Variants in LGR6 observed in about 807,000 individuals in gnomAD.
LGR6 encodes leucine rich repeat containing G protein-coupled receptor 6, also known as leucine-rich repeat-containing G protein-coupled receptor 6.
A neutral mutation model predicts 69.4 loss-of-function variants in LGR6; 45 were observed. The observed-to-expected ratio is 0.65, with a 90% CI of 0.51 to 0.83. The LOEUF (loss-of-function observed/expected upper bound fraction) is 0.83. Ranked by LOEUF, LGR6 falls within the 40% of genes least tolerant of loss-of-function variation. The probability of loss-of-function intolerance (pLI) is 0.00; values close to 1 mark genes in which losing one functional copy is unlikely to be tolerated. For missense variants in LGR6, 1,108 were observed against 1,246.7 expected, an observed-to-expected ratio of 0.89 and a Z score of 1.68; for synonymous variants, 538 against 555.0, an observed-to-expected ratio of 0.97 and a Z score of 0.43.
rs185154232 is a variant in LGR6, at chr1:202,218,251, G to T, written c.213-7172G>T. Among the ~76,000 whole-genome samples, 6 of 152,280 alleles carry T rather than the reference G, an allele frequency of 3.9e-5. No homozygotes were observed. The East Asian group carries it at 1.2e-3, about 29-fold the overall frequency. ...TGAAGGAGTGTAGGTAGAGGAAAGC[G>T]CCTGCTATTCAGGGGGTGTTTGGAA... On this transcript the variant is annotated intron_variant, in intron 1 of 17. Transcript: ENST00000367278.
chr1:202,307,442 AGTCG>A (rs748051766), intron 14 of LGR6, 41 bp downstream of exon 14: 1 of 1,594,606 alleles, frequency 6.3e-7, no homozygotes, highest in Non-Finnish European at 8.6e-7. Context: ...GCTGGGGGCC[AGTCG>A]GGACTATGGG....
chr1:202,313,249 G>T (rs928513328), intron 16 of LGR6, among the ~76,000 whole-genome samples: 17 of 151,420 alleles, frequency 1.1e-4, no homozygotes, highest in African/African-American at 3.6e-4. Flanking sequence ...AAAGTGTAAA[G>T]CCTGGACTTA....
rs1490675095 is a variant in LGR6 at position 202,251,177 on chromosome 1, G to C, written c.428+15184G>C. On this transcript the variant is annotated intron_variant, in intron 4 of 17. Transcript: ENST00000367278. ...TTCCAGTTGCAAGCACTGGCTCTCTGTGCTGTGAATTCACAGAGAGAAGGT... is the reference window on the plus strand; with the variant it reads ...TTCCAGTTGCAAGCACTGGCTCTCTCTGCTGTGAATTCACAGAGAGAAGGT... 2.6e-5 allele frequency among the ~76,000 whole-genome samples: 4 copies of C among 152,160 alleles called. No homozygotes were observed. In the South Asian group the frequency reaches 6.2e-4, roughly 24 times the overall value.
chr1:202,314,601 G>A (rs965205749), intron 16 of LGR6, among the ~76,000 whole-genome samples: 13 of 152,350 alleles, frequency 8.5e-5, no homozygotes, highest in African/African-American at 3.1e-4. Context: ...ACTCTTCAGT[G>A]CAGATAATCC....
intron 1 of LGR6, among the ~76,000 whole-genome samples, chr1:202,209,169 G>A (rs143023319): frequency 1.3e-5 from 2 of 152,118 alleles, no homozygotes; most frequent in African/African-American, 4.8e-5. Flanking sequence ...AGAGGGGAGA[G>A]AGCCCAAAGC....
intron 1 of LGR6, among the ~76,000 whole-genome samples, chr1:202,214,949 C>T (rs1659662347): frequency 6.6e-6 from 1 of 151,930 alleles, no homozygotes; most frequent in Non-Finnish European, 1.5e-5. Flanking sequence ...TTAGAAAACC[C>T]TCTGGCTAGG....
intron 1 of LGR6, among the ~76,000 whole-genome samples, chr1:202,195,649 C>A (rs1035232008): frequency 8.5e-5 from 13 of 152,212 alleles, no homozygotes; most frequent in African/African-American, 3.1e-4. Flanking sequence ...CAGGCCAGCC[C>A]CTCTTTCAGC....
chr1:202,297,458 C>A (rs754168615), intron 6 of LGR6, 50 bp from the exon 7 acceptor site: 131 of 1,471,318 alleles, frequency 8.9e-5, no homozygotes, highest in Admixed American at 2.1e-4. Flanking sequence ...GGGACCCTGA[C>A]ATGCCCCATT....
intron 4 of LGR6, among the ~76,000 whole-genome samples, chr1:202,252,993 ACT>A (rs1233581645): frequency 1.2e-4 from 18 of 152,056 alleles, no homozygotes; most frequent in African/African-American, 4.1e-4. Context: ...ACATTCTGAC[ACT>A]CTCGAGTCAT....
intron 1 of LGR6, among the ~76,000 whole-genome samples, chr1:202,221,850 C>T (rs536161749): frequency 2.1e-4 from 32 of 152,356 alleles, no homozygotes; most frequent in Non-Finnish European, 4.1e-4. Flanking sequence ...CCCCTGGGTC[C>T]AGGCAGGGCC....
intron 6 of LGR6, among the ~76,000 whole-genome samples, chr1:202,296,307 C>G (rs1190115277): frequency 6.6e-6 from 1 of 152,198 alleles, no homozygotes; most frequent in Non-Finnish European, 1.5e-5. Flanking sequence ...ACCCCCAAAT[C>G]AGTCACATTT....
chr1:202,204,250 CACACAACCTCCAA>C (rs1344654102), intron 1 of LGR6, among the ~76,000 whole-genome samples: 19 of 134,302 alleles, frequency 1.4e-4, no homozygotes, highest in African/African-American at 5.0e-4. Context: ...CACACCTCCA[CACACAACCTCCAA>C]ACACACACAC....
intron 1 of LGR6, among the ~76,000 whole-genome samples, chr1:202,196,043 T>C (rs185142121): frequency 8.3e-4 from 127 of 152,102 alleles, no homozygotes; most frequent in Admixed American, 5.6e-3. Context: ...TTCCTGGGGA[T>C]TGAGAAAGCC....
chr1:202,278,905 G>C (rs977830726), intron 5 of LGR6, among the ~76,000 whole-genome samples: 2 of 152,156 alleles, frequency 1.3e-5, no homozygotes, highest in African/African-American at 4.8e-5. Flanking sequence ...GTAGCACGTA[G>C]CTGGACAGCA....
intron 17 of LGR6, among the ~76,000 whole-genome samples, chr1:202,316,715 A>G (rs999004056): frequency 6.6e-6 from 1 of 152,196 alleles, no homozygotes; most frequent in African/African-American, 2.4e-5. Flanking sequence ...TACAGTTATC[A>G]CCTATTATAT....
rs138106370 is a variant in LGR6 at position 202,298,524 on chromosome 1, C to CTTT, written c.785+949_785+950insTTT. 1.4e-4 allele frequency: 20 copies of CTTT among 145,310 alleles called. 3 individuals are homozygous for CTTT. Among genetic ancestry groups the CTTT allele is most frequent in the Non-Finnish European group, 1.8e-4 (12 of 66,308 alleles). 9.0% of individuals were successfully genotyped at this position (145,310 alleles called of 1,614,324 possible). A position where few individuals can be genotyped will look rare whatever the true frequency, so the allele number is the denominator to read the frequency against. On this transcript the variant is annotated intron_variant, in intron 7 of 17. Coordinates refer to ENST00000367278, the MANE Select transcript of LGR6 (RefSeq NM_001017403.2). ...CCCAAATTTTCAGGCAGCTTAGTAT[C>CTTT]TATTTTTTTTTTTTTTGAGACGGAG...
At chr1:202,275,409 A>G (rs911407874) in intron 4 of LGR6, among the ~76,000 whole-genome samples, 1 of 152,170 alleles carries the variant, frequency 6.6e-6, no homozygotes, top group Non-Finnish European at 1.5e-5. Flanking sequence ...GCACATGTGT[A>G]AAAAGCTAAG....
At chr1:202,293,187 G>C (rs1666915580) in intron 6 of LGR6, among the ~76,000 whole-genome samples, 1 of 152,212 alleles carries the variant, frequency 6.6e-6, no homozygotes, top group Admixed American at 6.5e-5. Context: ...TAGCAGTCCA[G>C]AGGAGACAGC....
rs578258371 is a variant in LGR6 at position 202,253,857 on chromosome 1, G to A, written c.428+17864G>A. Reference sequence around the variant, plus strand: ...GTCTCGCTCTGTCGCCCAGGCTGGAGTGCAGTGGCGGGATCTCGGCTCACT... The same window carrying A: ...GTCTCGCTCTGTCGCCCAGGCTGGAATGCAGTGGCGGGATCTCGGCTCACT... On this transcript the variant is annotated intron_variant, in intron 4 of 17. Coordinates refer to ENST00000367278, the MANE Select transcript of LGR6 (RefSeq NM_001017403.2). 6.4e-5 allele frequency among the ~76,000 whole-genome samples: 8 copies of A among 125,720 alleles called. No individual in the cohort carries two copies. In the South Asian group the frequency reaches 8.2e-4, roughly 13 times the overall value. The allele number at this position is 125,720 out of a possible 152,430, so 82.5% of individuals were successfully genotyped here. A position where few individuals can be genotyped will look rare whatever the true frequency, so the allele number is the denominator to read the frequency against.
Sources: allele counts gnomAD v4.1 joint callset (sites outside exome capture counted in the v4.1 genomes callset), GRCh38; gene constraint gnomAD v4.1.1; transcripts MANE v1.5; gene names NCBI Gene and HGNC (gene_info 2026-07-23, HGNC 2026-07-21).